Variants in PRUNE2 observed in about 807,000 individuals in gnomAD.
PRUNE2 encodes the protein protein prune homolog 2.
PRUNE2 carries 164 observed loss-of-function variants against 252.0 expected under a neutral mutation model. The observed-to-expected ratio is 0.65, with a 90% CI of 0.57 to 0.74. PRUNE2 has a LOEUF of 0.74. Ranked by LOEUF, PRUNE2 falls within the 30% of genes least tolerant of loss-of-function variation. PRUNE2 has a pLI of 0.00. For missense variants in PRUNE2, 3,495 were observed against 3,711.0 expected, an observed-to-expected ratio of 0.94 and a Z score of 1.51; for synonymous variants, 1,292 against 1,350.2, an observed-to-expected ratio of 0.96 and a Z score of 0.94.
At position 76,708,103 on chromosome 9, in the gene PRUNE2, T is replaced by C; in HGVS notation, c.4171A>G (p.Ser1391Gly). 1 of 1,614,008 alleles carries C rather than the reference T, an allele frequency of 6.2e-7. No individual in the cohort carries two copies. The highest frequency in any genetic ancestry group is 1.1e-5 in the South Asian group (1 of 91,086). The change falls in exon 8 of 19, where the codon AGT (serine) becomes GGT (glycine). Residue 1391 changes from serine to glycine, a missense_variant. Ser to Gly is a moderately conservative substitution (Grantham distance 56). Coordinates refer to ENST00000376718, the MANE Select transcript of PRUNE2 (RefSeq NM_015225.3). ...GKISSLAVTF[S>G]PQTEEPEEVL... is the part of the protein sequence containing the mutation. ...TCCTCTGGTTCCTCGGTTTGAGGAC[T>C]GAAAGTGACAGCAAGAGAGCTGATT...
At chr9:76,666,397 T>C (rs956471140) in intron 9 of PRUNE2, among the ~76,000 whole-genome samples, 2 of 152,234 alleles carry the variant, frequency 1.3e-5, no homozygotes, top group East Asian at 1.9e-4. Context: ...CTGTGCTTCA[T>C]TGGCCACGCT....
intron 6 of PRUNE2, among the ~76,000 whole-genome samples, chr9:76,735,280 C>T (rs929017719): frequency 1.3e-5 from 2 of 152,172 alleles, no homozygotes; most frequent in Admixed American, 6.5e-5. Context: ...TGAAAACCTA[C>T]TGATTATAAT....
chr9:76,871,056 T>C (rs1463508466), intron 1 of PRUNE2, among the ~76,000 whole-genome samples: 1 of 152,210 alleles, frequency 6.6e-6, no homozygotes, highest in South Asian at 2.1e-4. Context: ...GTTATCCCTA[T>C]GTGACAGATA....
intron 1 of PRUNE2, among the ~76,000 whole-genome samples, chr9:76,865,849 C>CACA: frequency 8.1e-6 from 1 of 122,982 alleles, no homozygotes; most frequent in East Asian, 2.7e-4. Context: ...ACACACACAC[C>CACA]AGAGCATTAT....
chr9:76,617,788 C>CT (rs962008289), intron 18 of PRUNE2, among the ~76,000 whole-genome samples: 1 of 152,186 alleles, frequency 6.6e-6, no homozygotes, highest in African/African-American at 2.4e-5. Flanking sequence ...GCAAGACAGA[C>CT]AAGGCAAGCA....
At position 76,731,677 on chromosome 9, in the gene PRUNE2, G is replaced by A. The variant is rs12551642; in HGVS notation, c.757-17956C>T. Among the ~76,000 whole-genome samples, 730 of 152,024 alleles carry A rather than the reference G, an allele frequency of 4.8e-3. 26 individuals carry two copies. Among genetic ancestry groups the A allele is most frequent in the Admixed American group, 0.044 (672 of 15,264 alleles). ...AAACAAAATTGTATCTTTCTAGTAC[G>A]TACCAAAAAGAGCAAGGAGAAAATT... On this transcript the variant is annotated intron_variant, in intron 6 of 18. Transcript: ENST00000376718.
chr9:76,842,497 T>TTAAAC (rs141485458), intron 4 of PRUNE2, among the ~76,000 whole-genome samples: 58,028 of 151,480 alleles, frequency 0.38, 13,970 homozygotes, highest in African/African-American at 0.69. Flanking sequence ...TAAGATCTAA[T>TTAAAC]TAAAGAGCTT....
chr9:76,630,255 A>C (rs1836930614), intron 15 of PRUNE2, among the ~76,000 whole-genome samples: 1 of 147,622 alleles, frequency 6.8e-6, no homozygotes, highest in African/African-American at 2.5e-5. Context: ...TTATTTTAAA[A>C]ATTTTTGTTT....
chr9:76,868,275 A>G (rs2060963740), intron 1 of PRUNE2, among the ~76,000 whole-genome samples: 1 of 151,484 alleles, frequency 6.6e-6, no homozygotes, highest in Non-Finnish European at 1.5e-5. Context: ...CTATGATACC[A>G]TTCGAAACTC....
intron 6 of PRUNE2, among the ~76,000 whole-genome samples, chr9:76,729,103 T>C (rs1455756016): frequency 5.3e-5 from 8 of 152,210 alleles, no homozygotes; most frequent in Admixed American, 3.9e-4. Flanking sequence ...ATTACGGAGC[T>C]ACAGAATTTC....
At chr9:76,676,766 T>A (rs2042659284) in intron 9 of PRUNE2, among the ~76,000 whole-genome samples, 1 of 152,226 alleles carries the variant, frequency 6.6e-6, no homozygotes, top group African/African-American at 2.4e-5. Context: ...TCAGTAGCAA[T>A]ATTACGATGT....
intron 6 of PRUNE2, chr9:76,736,889 T>C (rs1261932527): frequency 1.3e-5 from 2 of 152,164 alleles, no homozygotes; most frequent in Non-Finnish European, 2.9e-5. Context: ...TGGAAGCAAT[T>C]ATTGTATTAT....
chr9:76,642,139 C>T (rs552475591), intron 12 of PRUNE2, among the ~76,000 whole-genome samples: 3 of 152,228 alleles, frequency 2.0e-5, no homozygotes, highest in East Asian at 1.9e-4. Context: ...AGAGGGACCC[C>T]GTACTGTTGG....
chr9:76,870,668 A>G (rs2061142121), intron 1 of PRUNE2, among the ~76,000 whole-genome samples: 1 of 150,398 alleles, frequency 6.6e-6, no homozygotes, highest in Non-Finnish European at 1.5e-5. Context: ...CCTGGGTGAC[A>G]GAGCGAGATT....
intron 1 of PRUNE2, chr9:76,869,184 G>A (rs774611526): frequency 2.0e-5 from 3 of 152,178 alleles, no homozygotes; most frequent in Admixed American, 1.3e-4. Flanking sequence ...TGGAATGGAC[G>A]TCAGGCCAGT....
At chr9:76,783,145 T>C (rs1392633259) in intron 6 of PRUNE2, among the ~76,000 whole-genome samples, 1 of 152,204 alleles carries the variant, frequency 6.6e-6, no homozygotes, top group Non-Finnish European at 1.5e-5. Context: ...TTTTGTTTGT[T>C]TGTTTTTTGG....
chr9:76,672,383 G>C (rs761852683), intron 9 of PRUNE2, among the ~76,000 whole-genome samples: 2 of 123,942 alleles, frequency 1.6e-5, no homozygotes, highest in Middle Eastern at 3.7e-3. Context: ...CCCAATACAG[G>C]AGCACCAAGA....
At chr9:76,692,807 G>A (rs1367795819) in intron 9 of PRUNE2, 1 of 152,170 alleles carries the variant, frequency 6.6e-6, no homozygotes, top group African/African-American at 2.4e-5. Context: ...CAGTAATCAT[G>A]ATGTTCTTTA....
intron 1 of PRUNE2, among the ~76,000 whole-genome samples, chr9:76,867,449 G>T (rs955317121): frequency 6.6e-6 from 1 of 152,116 alleles, no homozygotes; most frequent in African/African-American, 2.4e-5. Flanking sequence ...AGAATTTAAG[G>T]CTACATCAGC....
Sources: allele counts gnomAD v4.1 joint callset (sites outside exome capture counted in the v4.1 genomes callset), GRCh38; gene constraint gnomAD v4.1.1; transcripts MANE v1.5; gene names NCBI Gene and HGNC (gene_info 2026-07-23, HGNC 2026-07-21).